FBXW7: variants seen among roughly 807,000 people sequenced by gnomAD.
The protein encoded by FBXW7 is F-box and WD repeat domain containing 7.
Under a neutral mutation model 86.3 loss-of-function variants are expected in FBXW7, and 11 were observed. The observed-to-expected ratio is 0.13, with a 90% confidence interval of 0.08 to 0.21. The LOEUF is 0.21. FBXW7 is among the 10% of genes least tolerant of loss of function. The pLI, the probability that FBXW7 is intolerant of heterozygous loss-of-function variation, is 1.00. For synonymous variants in FBXW7, 313 were observed against 297.9 expected (o/e 1.05, Z -0.52); for missense variants, 488 against 847.4 (o/e 0.58, Z 5.27).
rs2126882460 is a variant in FBXW7 at position 152,411,744 on chromosome 4, T to A, written c.60A>T (p.Arg20Ser). The A allele has an allele frequency of 6.2e-7, 1 of 1,613,574 alleles. No individual in the cohort carries two copies. Among genetic ancestry groups the A allele is most frequent in the Non-Finnish European group, 8.5e-7 (1 of 1,179,760 alleles). ...SKRRRTGGSL[R>S]GNPSSSQVDE... ...CTACCTGGCTTGAGGAAGGGTTACC[T>A]CTCAGAGAGCCTCCAGTTCGTCGTC... The change falls in exon 4 of 14, where the codon AGA becomes AGT. Residue 20 changes from arginine to serine, a missense_variant. Coordinates refer to ENST00000281708, the MANE Select transcript of FBXW7 (RefSeq NM_001349798.2).
intron 4 of FBXW7, among the ~76,000 whole-genome samples, chr4:152,391,601 G>C (rs370850907): frequency 6.6e-6 from 1 of 152,064 alleles, no homozygotes; most frequent in African/African-American, 2.4e-5. Flanking sequence ...TAGAAAATAC[G>C]TACGCATTGT....
At chr4:152,470,427 C>T (rs1743842700) in intron 2 of FBXW7, among the ~76,000 whole-genome samples, 1 of 151,980 alleles carries the variant, frequency 6.6e-6, no homozygotes, top group African/African-American at 2.4e-5. Context: ...GACAATCTAA[C>T]TATAGAGTCT....
chr4:152,333,907 A>T (rs1729813674), intron 7 of FBXW7, among the ~76,000 whole-genome samples: 1 of 152,088 alleles, frequency 6.6e-6, no homozygotes, highest in South Asian at 2.1e-4. Context: ...TACAAAAATT[A>T]GCCAGGTGTG....
chr4:152,428,104 T>C (rs1297139873), intron 2 of FBXW7, among the ~76,000 whole-genome samples: 1 of 152,174 alleles, frequency 6.6e-6, no homozygotes, highest in African/African-American at 2.4e-5. Context: ...TATTCTAATC[T>C]TGTAGGAAGT....
At chr4:152,376,160 A>C (rs145655692) in intron 4 of FBXW7, among the ~76,000 whole-genome samples, 2 of 152,226 alleles carry the variant, frequency 1.3e-5, no homozygotes, top group South Asian at 2.1e-4. Flanking sequence ...TTACATATTT[A>C]ACATGTCTAA....
chr4:152,390,785 A>G (rs146215378), intron 4 of FBXW7, among the ~76,000 whole-genome samples: 2 of 152,134 alleles, frequency 1.3e-5, no homozygotes, highest in East Asian at 3.9e-4. Context: ...TCATAATACT[A>G]ATTATACTAA....
At chr4:152,456,975 T>C (rs1228942642) in intron 2 of FBXW7, among the ~76,000 whole-genome samples, 1 of 152,112 alleles carries the variant, frequency 6.6e-6, no homozygotes, top group African/African-American at 2.4e-5. Flanking sequence ...CAATAACAGC[T>C]AAATGGAAAT....
chr4:152,332,744 T>G, intron 7 of FBXW7, 25 bp from the exon 8 acceptor site: 1 of 1,208,238 alleles, frequency 8.3e-7, no homozygotes, highest in Non-Finnish European at 1.1e-6. Flanking sequence ...CATAGTATAA[T>G]ACCCATATTT....
chr4:152,395,324 GCA>G (rs1234998399), intron 4 of FBXW7, among the ~76,000 whole-genome samples: 1 of 152,012 alleles, frequency 6.6e-6, no homozygotes. Context: ...AAATACTGGT[GCA>G]GACACTTAAG....
chr4:152,525,288 G>C (rs1024861948), intron 2 of FBXW7, among the ~76,000 whole-genome samples: 1 of 152,162 alleles, frequency 6.6e-6, no homozygotes, highest in Non-Finnish European at 1.5e-5. Context: ...CAGCTAGCAA[G>C]ATAATCAGTG....
At chr4:152,374,151 C>T (rs759164334) in intron 4 of FBXW7, among the ~76,000 whole-genome samples, 1 of 151,864 alleles carries the variant, frequency 6.6e-6, no homozygotes, top group African/African-American at 2.4e-5. Context: ...AACAAACAAA[C>T]AAAAACAAAA....
chr4:152,367,461 A>G (rs755874008), intron 4 of FBXW7, among the ~76,000 whole-genome samples: 2 of 152,146 alleles, frequency 1.3e-5, no homozygotes, highest in Non-Finnish European at 2.9e-5. Context: ...GAGAGAGGAT[A>G]TATCAAGAAA....
chr4:152,348,266 T>C (rs1394462808), intron 5 of FBXW7, among the ~76,000 whole-genome samples: 3 of 152,066 alleles, frequency 2.0e-5, no homozygotes, highest in African/African-American at 7.2e-5. Flanking sequence ...AGACAATCTT[T>C]AACATTCAGC....
chr4:152,337,712 C>T (rs2126580866), intron 7 of FBXW7, 90 bp downstream of exon 7: 1 of 1,341,686 alleles, frequency 7.5e-7, no homozygotes, highest in Non-Finnish European at 1.0e-6. Flanking sequence ...TACCGAATAC[C>T]ATAATTAGCA....
At chr4:152,502,724 A>G (rs1747071718) in intron 2 of FBXW7, among the ~76,000 whole-genome samples, 1 of 152,190 alleles carries the variant, frequency 6.6e-6, no homozygotes, top group Non-Finnish European at 1.5e-5. Flanking sequence ...AAGAAACTGG[A>G]AGAAGGTATG....
chr4:152,367,449 T>C (rs1020479645), intron 4 of FBXW7, among the ~76,000 whole-genome samples: 4 of 152,012 alleles, frequency 2.6e-5, no homozygotes, highest in African/African-American at 9.7e-5. Flanking sequence ...GCATCTCCCA[T>C]TGAGAGAGGA....
intron 2 of FBXW7, among the ~76,000 whole-genome samples, chr4:152,483,301 C>T (rs1165885495): frequency 6.6e-6 from 1 of 151,500 alleles, no homozygotes; most frequent in Non-Finnish European, 1.5e-5. Context: ...TATTTTTCTA[C>T]TAGATAGTCT....
intron 4 of FBXW7, among the ~76,000 whole-genome samples, chr4:152,361,527 C>T (rs952996947): frequency 1.3e-5 from 2 of 152,128 alleles, no homozygotes; most frequent in Non-Finnish European, 2.9e-5. Context: ...CTTTTATGTG[C>T]AGTGAACTGT....
intron 2 of FBXW7, among the ~76,000 whole-genome samples, chr4:152,534,234 A>G (rs1750262072): frequency 6.6e-6 from 1 of 151,970 alleles, no homozygotes; most frequent in South Asian, 2.1e-4. Flanking sequence ...ACCAAATAAA[A>G]AAGTGCTGTA....
Sources: allele counts gnomAD v4.1 joint callset (sites outside exome capture counted in the v4.1 genomes callset), GRCh38; gene constraint gnomAD v4.1.1; transcripts MANE v1.5; gene names NCBI Gene and HGNC (gene_info 2026-07-23, HGNC 2026-07-21).